The following TBCD variants were observed in gnomAD, a reference collection of about 807,000 sequenced individuals.
TBCD encodes tubulin folding cofactor D.
Under a neutral mutation model 169.3 loss-of-function variants are expected in TBCD, and 105 were observed. The observed-to-expected ratio is 0.62, with a 90% CI of 0.53 to 0.73. The LOEUF is 0.73. TBCD is among the 30% of genes least tolerant of loss of function. The pLI, the probability that TBCD is intolerant of heterozygous loss-of-function variation, is 0.00. For missense variants in TBCD, 1,444 were observed against 1,600.1 expected (o/e 0.90, Z 1.66); for synonymous variants, 700 against 643.9 (o/e 1.09, Z -1.32).
At chr17:82,807,806 T>C (rs549389798) in intron 11 of TBCD, 138 bp downstream of exon 11, 2 of 567,678 alleles carry the variant, frequency 3.5e-6, no homozygotes, top group African/African-American at 1.9e-5. Flanking sequence ...TGTGTGTTGC[T>C]TTACGTGTTG....
intron 14 of TBCD, among the ~76,000 whole-genome samples, chr17:82,877,501 G>A (rs774972415): frequency 1.3e-5 from 2 of 152,032 alleles, no homozygotes; most frequent in Non-Finnish European, 2.9e-5. Flanking sequence ...CACCACCCCC[G>A]ATTAAGTTTT....
intron 15 of TBCD, among the ~76,000 whole-genome samples, chr17:82,887,168 T>TGTGC: frequency 0.037 from 4,715 of 125,894 alleles, 93 homozygotes; most frequent in African/African-American, 0.045. Context: ...TGTGTGTGTG[T>TGTGC]GCGCGCGCGC....
At chr17:82,808,490 A>AGG (rs2051161981) in intron 11 of TBCD, among the ~76,000 whole-genome samples, 2 of 33,924 alleles carry the variant, frequency 5.9e-5, no homozygotes, top group Non-Finnish European at 1.2e-4. Context: ...GGAGGGGCTG[A>AGG]CAGGTGCTGG....
chr17:82,806,134 C>T lies in TBCD; in HGVS notation c.1087+123C>T, dbSNP rs62077761. ...GCACTGTCTGGCCACCCGTCCCCTT[C>T]GCTGAGTGCACGGTCACTGCCCGTC... On this transcript the variant is annotated intron_variant, in intron 10 of 38. Transcript: ENST00000355528. The surrounding 1 kb of genome is among the most constrained non-coding windows in gnomAD (Gnocchi z 5.1). 84,928 of 1,346,378 alleles carry T rather than the reference C, an allele frequency of 0.063. 2,947 individuals carry two copies. Among genetic ancestry groups the T allele is most frequent in the East Asian group, 0.13 (5,235 of 39,746 alleles). 83.4% of individuals were successfully genotyped at this position (1,346,378 alleles called of 1,614,324 possible).
At chr17:82,846,090 T>G (rs1179178123) in intron 13 of TBCD, among the ~76,000 whole-genome samples, 2 of 152,072 alleles carry the variant, frequency 1.3e-5, no homozygotes, top group Non-Finnish European at 2.9e-5. Flanking sequence ...CTGTGTTGTG[T>G]CTCAGGGCTC....
chr17:82,928,039 TG>T, intron 30 of TBCD, 51 bp downstream of exon 30: 2 of 1,565,202 alleles, frequency 1.3e-6, no homozygotes. Context: ...GCCCCGAGCT[TG>T]GGGAGGCTGG....
At chr17:82,878,585 C>T (rs1377624112) in intron 14 of TBCD, among the ~76,000 whole-genome samples, 3 of 152,208 alleles carry the variant, frequency 2.0e-5, no homozygotes, top group Non-Finnish European at 4.4e-5. Context: ...ATATAGTGCC[C>T]CACAACGGGT....
chr17:82,876,947 G>A, intron 14 of TBCD: 1 of 985,322 alleles, frequency 1.0e-6, no homozygotes, highest in Non-Finnish European at 1.2e-6. Flanking sequence ...TGTTGAAGTG[G>A]ACTGAACAAC....
At chr17:82,787,370 C>T (rs941664139) in intron 7 of TBCD, among the ~76,000 whole-genome samples, 1 of 152,224 alleles carries the variant, frequency 6.6e-6, no homozygotes, top group Non-Finnish European at 1.5e-5. Flanking sequence ...GGGCTTCTGG[C>T]AGCTCCTGGG....
intron 2 of TBCD, among the ~76,000 whole-genome samples, chr17:82,757,067 T>C (rs2047439394): frequency 6.6e-6 from 1 of 152,204 alleles, no homozygotes; most frequent in East Asian, 1.9e-4. Context: ...ATGTGACACA[T>C]GCTTCTGGCA....
intron 13 of TBCD, chr17:82,859,906 G>A (rs779654302): frequency 2.3e-4 from 227 of 984,736 alleles, no homozygotes; most frequent in Non-Finnish European, 2.6e-4. Flanking sequence ...TTGTCATTGT[G>A]CACTGGTGAC....
intron 24 of TBCD, chr17:82,921,261 A>G: frequency 1.8e-6 from 1 of 556,554 alleles, no homozygotes; most frequent in South Asian, 2.5e-5. Flanking sequence ...TGTGATGTAT[A>G]AAAATTTACA....
In TBCD at chr17:82,830,470, C is replaced by G. The variant is rs756673617; in HGVS notation, c.1318+15536C>G. On this transcript the variant is annotated intron_variant, in intron 13 of 38. Coordinates refer to ENST00000355528, the MANE Select transcript of TBCD (RefSeq NM_005993.5). The stretch of plus-strand genomic sequence containing the variant: ...CGCGCATGCGTCTGGAGCCTCCTCG[C>G]CGGGGCCTGTGGGTGGGGCCCCGTC... 4 of 1,613,058 alleles carry G rather than the reference C, an allele frequency of 2.5e-6. No individual in the cohort carries two copies. Among genetic ancestry groups the G allele is most frequent in the Non-Finnish European group, 3.4e-6 (4 of 1,179,732 alleles).
rs972548883 is a variant in TBCD, at chr17:82,806,705, C to T, written c.1087+694C>T. 6.6e-5 allele frequency among the ~76,000 whole-genome samples: 10 copies of T among 152,128 alleles called. No homozygotes were observed. The highest frequency in any genetic ancestry group is 1.3e-4 in the Non-Finnish European group (9 of 68,022). Reference sequence around the variant, plus strand: ...TGCTGCACTCTGCTCACATCCCCGCCGCTCCCTCCAGGGCAGGTTTCTCCC... The same window carrying T: ...TGCTGCACTCTGCTCACATCCCCGCTGCTCCCTCCAGGGCAGGTTTCTCCC... On this transcript the variant is annotated intron_variant, in intron 10 of 38. Coordinates refer to ENST00000355528, the MANE Select transcript of TBCD (RefSeq NM_005993.5). The surrounding 1 kb of genome is among the most constrained non-coding windows in gnomAD (Gnocchi z 5.1).
rs368808896 is a variant in TBCD at position 82,941,402 on chromosome 17, C to A, written c.3483C>A (p.Asp1161Glu). ...ACGGCTCTCCCTCTCCTCACAGGGA[C>A]GCGGAGCTTGCAGTGGTGAGAGAGC... ...VVTVLSDTAW[D>E]AELAVVREQR... The change falls in exon 38 of 39, where the codon GAC (aspartate) becomes GAA (glutamate). Residue 1161 changes from aspartate (D) to glutamate (E), a missense_variant. Coordinates refer to ENST00000355528, the MANE Select transcript of TBCD (RefSeq NM_005993.5). 2.5e-6 allele frequency: 4 copies of A among 1,591,190 alleles called. No individual in the cohort carries two copies. Among genetic ancestry groups the A allele is most frequent in the Non-Finnish European group, 3.4e-6 (4 of 1,173,394 alleles).
chr17:82,805,561 C>T (rs2050901144), intron 9 of TBCD, among the ~76,000 whole-genome samples: 1 of 152,134 alleles, frequency 6.6e-6, no homozygotes, highest in African/African-American at 2.4e-5. Flanking sequence ...CGGGTGCTTC[C>T]CCAGGGAAGG....
intron 7 of TBCD, among the ~76,000 whole-genome samples, chr17:82,795,128 C>T (rs2050008890): frequency 6.6e-6 from 1 of 152,224 alleles, no homozygotes; most frequent in Admixed American, 6.5e-5. Context: ...TACTACACTT[C>T]ATAGGAATTG....
At chr17:82,757,873 T>C (rs1246343167) in intron 2 of TBCD, among the ~76,000 whole-genome samples, 1 of 151,998 alleles carries the variant, frequency 6.6e-6, no homozygotes, top group East Asian at 1.9e-4. Context: ...GTTCCTGGAG[T>C]TCCTGTGTGT....
At chr17:82,911,326 A>G (rs1049201579) in intron 22 of TBCD, among the ~76,000 whole-genome samples, 2 of 151,672 alleles carry the variant, frequency 1.3e-5, no homozygotes, top group African/African-American at 4.9e-5. Flanking sequence ...TGTCAGCGCC[A>G]GGGCTGGGGC....
Sources: allele counts gnomAD v4.1 joint callset (sites outside exome capture counted in the v4.1 genomes callset), GRCh38; gene constraint gnomAD v4.1.1; non-coding constraint Gnocchi (gnomAD v3.1); transcripts MANE v1.5; gene names NCBI Gene and HGNC (gene_info 2026-07-23, HGNC 2026-07-21).